AUTS2: variants seen among roughly 807,000 people sequenced by gnomAD.
The protein encoded by AUTS2 is activator of transcription and developmental regulator AUTS2.
In AUTS2, 17 loss-of-function variants were observed where a neutral mutation model predicts 112.4. That is an observed-to-expected ratio of 0.15 (90% confidence interval 0.10 to 0.23). The LOEUF (loss-of-function observed/expected upper bound fraction) is 0.23. AUTS2 is among the 10% of genes least tolerant of loss of function. AUTS2 has a pLI of 1.00. For synonymous variants in AUTS2, 751 were observed against 702.7 expected (o/e 1.07, Z -1.09); for missense variants, 1,510 against 1,701.6 (o/e 0.89, Z 1.98).
chr7:70,745,782 T>C (rs543154244), intron 6 of AUTS2, among the ~76,000 whole-genome samples: 2 of 152,214 alleles, frequency 1.3e-5, no homozygotes, highest in African/African-American at 4.8e-5. Flanking sequence ...TTGAAAATAG[T>C]TCCTTAAACT....
intron 6 of AUTS2, among the ~76,000 whole-genome samples, chr7:70,724,118 C>T (rs892240050): frequency 1.3e-5 from 2 of 152,276 alleles, no homozygotes; most frequent in East Asian, 1.9e-4. Context: ...TCTCAAACTC[C>T]TAGCCTCAGG....
At chr7:69,905,607 A>G (rs958017345) in intron 2 of AUTS2, among the ~76,000 whole-genome samples, 71 of 152,196 alleles carry the variant, frequency 4.7e-4, no homozygotes, top group Middle Eastern at 6.8e-3. Context: ...TTTTTGTTTT[A>G]TCTGGACACC....
At chr7:69,754,011 T>A (rs539691674) in intron 1 of AUTS2, among the ~76,000 whole-genome samples, 1 of 152,316 alleles carries the variant, frequency 6.6e-6, no homozygotes, top group African/African-American at 2.4e-5. Flanking sequence ...AACTGTGACA[T>A]CCCCTCGAAG....
chr7:69,911,635 A>G (rs890940496), intron 2 of AUTS2, among the ~76,000 whole-genome samples: 3 of 152,064 alleles, frequency 2.0e-5, no homozygotes, highest in African/African-American at 7.2e-5. Context: ...GGTCATCCCT[A>G]TGAGTGTCCA....
chr7:69,687,254 C>T (rs1363852191), intron 1 of AUTS2, among the ~76,000 whole-genome samples: 1 of 152,108 alleles, frequency 6.6e-6, no homozygotes, highest in Non-Finnish European at 1.5e-5. Flanking sequence ...ATTTAAAAAG[C>T]AGGAATAGCA....
At chr7:70,496,021 C>CT (rs1798470345) in intron 5 of AUTS2, among the ~76,000 whole-genome samples, 1 of 74,402 alleles carries the variant, frequency 1.3e-5, no homozygotes, top group African/African-American at 5.6e-5. Context: ...ACACACACAC[C>CT]CCCCCCACAC....
Position 70,774,063 on chromosome 7 carries a change from G to A in AUTS2, c.1866G>A (p.Gly622=). Residue 622 remains glycine (G), a synonymous_variant, in exon 12 of 19, where the codon GGG becomes GGA. Coordinates refer to ENST00000342771, the MANE Select transcript of AUTS2 (RefSeq NM_015570.4). ...SNPIDVAARP[G]TVPHTLLQKD... is the part of the protein sequence containing the mutation. ...CTATCGATGTCGCTGCTCGGCCTGG[G>A]ACAGTCCCACACACTTTACTCCAAA... The A allele has an allele frequency of 6.2e-7, 1 of 1,614,168 alleles. No individual in the cohort carries two copies. Among genetic ancestry groups the A allele is most frequent in the Admixed American group, 1.7e-5 (1 of 60,020 alleles).
intron 6 of AUTS2, among the ~76,000 whole-genome samples, chr7:70,708,765 T>G (rs1385335744): frequency 6.6e-6 from 1 of 152,292 alleles, no homozygotes; most frequent in East Asian, 1.9e-4. Flanking sequence ...CCTACCCCTT[T>G]GAGTTTTCCA....
At chr7:70,480,531 G>C (rs1483766354) in intron 5 of AUTS2, among the ~76,000 whole-genome samples, 1 of 152,176 alleles carries the variant, frequency 6.6e-6, no homozygotes, top group Non-Finnish European at 1.5e-5. Flanking sequence ...CAATCCATAA[G>C]GGGAATGCAC....
At chr7:70,674,852 A>G (rs1267578499) in intron 5 of AUTS2, among the ~76,000 whole-genome samples, 9 of 152,236 alleles carry the variant, frequency 5.9e-5, no homozygotes, top group Admixed American at 2.0e-4. Flanking sequence ...CTGAGTAGTG[A>G]AGGGTAACTA....
chr7:70,169,372 C>T (rs1808551978), intron 4 of AUTS2, among the ~76,000 whole-genome samples: 1 of 152,048 alleles, frequency 6.6e-6, no homozygotes, highest in South Asian at 2.1e-4. Flanking sequence ...TCCCGAGTAG[C>T]TGCGGCTACA....
chr7:70,063,244 G>T (rs932854537), intron 2 of AUTS2, among the ~76,000 whole-genome samples: 3 of 151,474 alleles, frequency 2.0e-5, no homozygotes, highest in Non-Finnish European at 4.4e-5. Context: ...TCACATTGCC[G>T]ATGGGTTTTG....
intron 5 of AUTS2, among the ~76,000 whole-genome samples, chr7:70,581,749 C>T (rs2129527264): frequency 6.6e-6 from 1 of 152,304 alleles, no homozygotes; most frequent in African/African-American, 2.4e-5. Context: ...GGGGAGCCTT[C>T]CCTGACTATA....
intron 1 of AUTS2, among the ~76,000 whole-genome samples, chr7:69,681,010 A>G (rs1384007529): frequency 6.6e-6 from 1 of 152,224 alleles, no homozygotes; most frequent in Non-Finnish European, 1.5e-5. Flanking sequence ...ATGGAATTAC[A>G]TAGTATTTGT....
intron 1 of AUTS2, among the ~76,000 whole-genome samples, chr7:69,819,244 C>G (rs1036373039): frequency 2.6e-5 from 4 of 152,176 alleles, no homozygotes; most frequent in African/African-American, 9.7e-5. Flanking sequence ...TGATTCAAGT[C>G]GAGGAAGCTT....
chr7:70,011,314 T>TCTCCCCTCTCCTCTC (rs1554427051), intron 2 of AUTS2, among the ~76,000 whole-genome samples: 1 of 110,492 alleles, frequency 9.1e-6, no homozygotes, highest in African/African-American at 3.6e-5. Flanking sequence ...TCTCCTTTCC[T>TCTCCCCTCTCCTCTC]CTCTCCTCTC....
At chr7:70,461,980 G>A (rs531720941) in intron 5 of AUTS2, among the ~76,000 whole-genome samples, 11 of 152,320 alleles carry the variant, frequency 7.2e-5, no homozygotes, top group African/African-American at 1.7e-4. Context: ...GGCCGTGTGC[G>A]CTGGCTAATG....
intron 2 of AUTS2, among the ~76,000 whole-genome samples, chr7:70,049,391 A>G (rs925463302): frequency 1.3e-5 from 2 of 151,592 alleles, no homozygotes; most frequent in African/African-American, 2.4e-5. Flanking sequence ...GTGCAGTGGC[A>G]TGATCTCGGC....
chr7:70,072,641 C>T (rs754621784), intron 2 of AUTS2, among the ~76,000 whole-genome samples: 4 of 152,168 alleles, frequency 2.6e-5, no homozygotes, highest in South Asian at 2.1e-4. Context: ...TGCACAGGTT[C>T]GAATCACCAC....
Sources: allele counts gnomAD v4.1 joint callset (sites outside exome capture counted in the v4.1 genomes callset), GRCh38; gene constraint gnomAD v4.1.1; transcripts MANE v1.5; gene names NCBI Gene and HGNC (gene_info 2026-07-23, HGNC 2026-07-21).